The following B3GALT1 variants were observed in gnomAD, a reference collection of about 807,000 sequenced individuals.
B3GALT1 encodes beta-1,3-galactosyltransferase 1, also known as UDP-Gal:betaGlcNAc beta 1,3-galactosyltransferase, polypeptide 1.
Under a neutral mutation model 23.2 loss-of-function variants are expected in B3GALT1, and 10 were observed. The ratio of observed to expected loss-of-function variants is 0.43; its 90% confidence interval spans 0.27 to 0.73. The LOEUF (loss-of-function observed/expected upper bound fraction) is 0.73, where lower values mean the gene tolerates loss of function less well. Among genes scored for constraint, B3GALT1 ranks in the 30% least tolerant of loss-of-function variants. B3GALT1 has a pLI of 0.21. For synonymous variants in B3GALT1, 156 were observed against 141.5 expected (o/e 1.10, Z -0.73); for missense variants, 299 against 405.4 (o/e 0.74, Z 2.25).
intron 2 of B3GALT1, among the ~76,000 whole-genome samples, chr2:167,544,525 G>C (rs1683592663): frequency 1.3e-5 from 2 of 152,078 alleles, no homozygotes; most frequent in African/African-American, 4.8e-5. Flanking sequence ...TCAAACTCCT[G>C]ACCTCAAGTG....
At chr2:167,497,408 A>G (rs575996787) in intron 2 of B3GALT1, among the ~76,000 whole-genome samples, 1 of 152,310 alleles carries the variant, frequency 6.6e-6, no homozygotes, top group African/African-American at 2.4e-5. Flanking sequence ...GAATATGCCA[A>G]GGGTGTCTCA....
At chr2:167,326,393 T>C (rs571942123) in intron 1 of B3GALT1, among the ~76,000 whole-genome samples, 6 of 152,140 alleles carry the variant, frequency 3.9e-5, no homozygotes, top group Non-Finnish European at 7.4e-5. Context: ...GGTTTTCTCT[T>C]TACTCTGTTG....
intron 2 of B3GALT1, among the ~76,000 whole-genome samples, chr2:167,592,171 G>A (rs1684695204): frequency 6.6e-6 from 1 of 152,194 alleles, no homozygotes; most frequent in African/African-American, 2.4e-5. Flanking sequence ...ACTTAAATAT[G>A]TGTATCTGGA....
At chr2:167,376,672 A>G (rs534531676) in intron 1 of B3GALT1, among the ~76,000 whole-genome samples, 16 of 151,910 alleles carry the variant, frequency 1.1e-4, no homozygotes, top group Non-Finnish European at 2.1e-4. Flanking sequence ...AGTTTCTGTG[A>G]GATTCGTTGT....
chr2:167,450,030 C>A (rs1699063454), intron 1 of B3GALT1, among the ~76,000 whole-genome samples: 1 of 152,102 alleles, frequency 6.6e-6, no homozygotes, highest in Non-Finnish European at 1.5e-5. Context: ...CTATATTCAT[C>A]AGCGATGTTG....
intron 2 of B3GALT1, among the ~76,000 whole-genome samples, chr2:167,528,112 C>G (rs1434446778): frequency 6.6e-6 from 1 of 152,134 alleles, no homozygotes; most frequent in Non-Finnish European, 1.5e-5. Flanking sequence ...TGATCCTTCA[C>G]CTGCACTTAG....
chr2:167,522,011 T>C (rs1431909), intron 2 of B3GALT1, among the ~76,000 whole-genome samples: 6 of 135,658 alleles, frequency 4.4e-5, no homozygotes, highest in South Asian at 5.0e-4. Context: ...TATATACACA[T>C]ATATATATAA....
At chr2:167,614,267 A>G (rs1685118331) in intron 2 of B3GALT1, among the ~76,000 whole-genome samples, 1 of 151,584 alleles carries the variant, frequency 6.6e-6, no homozygotes, top group Admixed American at 6.6e-5. Context: ...TTCATAATCA[A>G]TAGCAAAGAA....
At chr2:167,502,973 A>G (rs1008990105) in intron 2 of B3GALT1, among the ~76,000 whole-genome samples, 3 of 152,182 alleles carry the variant, frequency 2.0e-5, no homozygotes, top group Non-Finnish European at 4.4e-5. Flanking sequence ...TGGGAGGCAG[A>G]GGTTGCAGTG....
chr2:167,778,803 G>C (rs1461553994), intron 3 of B3GALT1, among the ~76,000 whole-genome samples: 1 of 152,148 alleles, frequency 6.6e-6, no homozygotes, highest in East Asian at 1.9e-4. Flanking sequence ...AATCCTCTGG[G>C]AATTGATAAA....
intron 2 of B3GALT1, among the ~76,000 whole-genome samples, chr2:167,516,595 A>G: frequency 6.6e-6 from 1 of 152,064 alleles, no homozygotes; most frequent in Non-Finnish European, 1.5e-5. Context: ...ATTAGAAATA[A>G]TAGTATTATT....
chr2:167,506,844 T>C (rs950547919), intron 2 of B3GALT1, among the ~76,000 whole-genome samples: 14 of 152,198 alleles, frequency 9.2e-5, no homozygotes, highest in African/African-American at 3.4e-4. Flanking sequence ...TGGGTGAATG[T>C]TTAATGGTAT....
chr2:167,722,609 A>G (rs1687252122), intron 3 of B3GALT1, among the ~76,000 whole-genome samples: 1 of 152,236 alleles, frequency 6.6e-6, no homozygotes, highest in Non-Finnish European at 1.5e-5. Context: ...CCAGAATTTT[A>G]CATAATAATT....
Position 167,412,686 on chromosome 2 carries a change from A to G in B3GALT1, c.-510-77491A>G, listed in dbSNP as rs1574069150. Among the ~76,000 whole-genome samples, 3 of 152,218 alleles carry G rather than the reference A, an allele frequency of 2.0e-5. No individual in the cohort carries two copies. The East Asian group carries it at 5.8e-4, about 29-fold the overall frequency. On this transcript the variant is annotated intron_variant, in intron 1 of 4. Transcript: ENST00000392690. ...GGAAAACTGCTTAGAATTATTTACT[A>G]AAGTTGAACATATTGTATATTCCGT...
chr2:167,807,525 C>T (rs1272511523), intron 3 of B3GALT1, among the ~76,000 whole-genome samples: 5 of 151,770 alleles, frequency 3.3e-5, no homozygotes, highest in East Asian at 3.9e-4. Flanking sequence ...TCTTTGTTCT[C>T]GTTGGTTTCA....
Position 167,499,518 on chromosome 2 carries a change from G to C in B3GALT1, c.-410+9241G>C, listed in dbSNP as rs74944190. 1.6e-3 allele frequency among the ~76,000 whole-genome samples: 239 copies of C among 152,270 alleles called. 5 individuals are homozygous for C. In the East Asian group the frequency reaches 0.035, roughly 22 times the overall value. ...TAAGCATATCATATTAAGAGGAAGAGAATTGAATTTCTATATTTGATGGCA... is the reference window on the plus strand; with the variant it reads ...TAAGCATATCATATTAAGAGGAAGACAATTGAATTTCTATATTTGATGGCA... On this transcript the variant is annotated intron_variant, in intron 2 of 4. Coordinates refer to ENST00000392690, the MANE Select transcript of B3GALT1 (RefSeq NM_020981.4).
In B3GALT1 at chr2:167,609,977, A is replaced by C. The variant is rs181717832; in HGVS notation, c.-409-36932A>C. On this transcript the variant is annotated intron_variant, in intron 2 of 4. Coordinates refer to ENST00000392690, the MANE Select transcript of B3GALT1 (RefSeq NM_020981.4). ...AAACCAAGCAAAAGAGTGAAGTTAGAAGAAAAGAACAAATCAAAGACAGTT... is the reference window on the plus strand; with the variant it reads ...AAACCAAGCAAAAGAGTGAAGTTAGCAGAAAAGAACAAATCAAAGACAGTT... Among the ~76,000 whole-genome samples the C allele has an allele frequency of 2.5e-4, 38 of 152,280 alleles. 1 individual carries two copies. Among genetic ancestry groups the C allele is most frequent in the Admixed American group, 1.3e-3 (20 of 15,256 alleles).
At chr2:167,358,640 A>C (rs1559074441) in intron 1 of B3GALT1, among the ~76,000 whole-genome samples, 1 of 9,276 alleles carries the variant, frequency 1.1e-4, no homozygotes, top group Admixed American at 5.4e-3. Flanking sequence ...AGAATCCTTT[A>C]TTTAAGTGTG....
At chr2:167,348,888 T>A (rs986815445) in intron 1 of B3GALT1, among the ~76,000 whole-genome samples, 5 of 152,182 alleles carry the variant, frequency 3.3e-5, no homozygotes, top group African/African-American at 9.7e-5. Flanking sequence ...ATCTTTTCTA[T>A]TATATTATAG....
Sources: gnomAD v4.1 joint callset for allele counts (sites outside exome capture counted in the v4.1 genomes callset) on GRCh38, gnomAD v4.1.1 for gene constraint, MANE v1.5 for transcripts, NCBI Gene and HGNC (gene_info 2026-07-23, HGNC 2026-07-21) for gene names.